The following ARIH1 variants were observed in gnomAD, a reference collection of about 807,000 sequenced individuals.
ARIH1 encodes ariadne RBR E3 ubiquitin protein ligase 1.
A neutral mutation model predicts 85.0 loss-of-function variants in ARIH1; 8 were observed. That is an observed-to-expected ratio of 0.09 (90% CI 0.06 to 0.17). ARIH1 has a LOEUF of 0.17. ARIH1 is among the 10% of genes least tolerant of loss of function. The pLI is 1.00. For synonymous variants in ARIH1, 238 were observed against 253.6 expected (o/e 0.94, Z 0.59); for missense variants, 311 against 718.1 (o/e 0.43, Z 6.48).
In ARIH1 at chr15:72,511,996, C is replaced by T. The variant is rs1022898572; in HGVS notation, c.376-6071C>T. 2.0e-5 allele frequency among the ~76,000 whole-genome samples: 3 copies of T among 152,050 alleles called. 1 individual carries two copies. The highest frequency in any genetic ancestry group is 4.4e-5 in the Non-Finnish European group (3 of 68,006). The stretch of plus-strand genomic sequence containing the variant: ...TGAATTTTGAATATTTAAAACTATC[C>T]GTGCAATCCCAGGACGAACCCCACT... On this transcript the variant is annotated intron_variant, in intron 1 of 13. Coordinates refer to ENST00000379887, the MANE Select transcript of ARIH1 (RefSeq NM_005744.5).
intron 5 of ARIH1, among the ~76,000 whole-genome samples, chr15:72,556,793 C>A (rs146106507): frequency 2.1e-4 from 32 of 152,302 alleles, no homozygotes; most frequent in African/African-American, 7.2e-4. Context: ...ATTTAGCTCT[C>A]ACTTATAAAT....
At chr15:72,554,232 C>A (rs2064165293) in intron 3 of ARIH1, among the ~76,000 whole-genome samples, 1 of 151,874 alleles carries the variant, frequency 6.6e-6, no homozygotes, top group South Asian at 2.1e-4. Flanking sequence ...GAGTATATAC[C>A]CAGGATTAGA....
chr15:72,484,380 A>G (rs2063828703), intron 1 of ARIH1, among the ~76,000 whole-genome samples: 1 of 151,942 alleles, frequency 6.6e-6, no homozygotes, highest in South Asian at 2.1e-4. Context: ...AGCAATATAC[A>G]CTGAACCCAG....
At position 72,600,568 on chromosome 15, in the gene ARIH1, G is replaced by A. The variant is rs2064378962; in HGVS notation, c.*17276G>A. 6.6e-6 allele frequency: 1 copy of A among 152,144 alleles called. No homozygotes were observed. Among genetic ancestry groups the A allele is most frequent in the Admixed American group, 6.5e-5 (1 of 15,280 alleles). The allele number at this position is 152,144 out of a possible 1,614,324, so 9.4% of individuals were successfully genotyped here. On this transcript the variant is annotated 3_prime_UTR_variant, in exon 14 of 14. Coordinates refer to ENST00000379887, the MANE Select transcript of ARIH1 (RefSeq NM_005744.5). Reference sequence around the variant, plus strand: ...CAGGCTCATTTTAAAATTTTTTGTAGAGACGGGTCTCACTATGTTGCTCAG... The same window carrying A: ...CAGGCTCATTTTAAAATTTTTTGTAAAGACGGGTCTCACTATGTTGCTCAG...
chr15:72,576,519 A>C (rs1005612786), intron 11 of ARIH1, among the ~76,000 whole-genome samples: 26 of 151,584 alleles, frequency 1.7e-4, no homozygotes, highest in Non-Finnish European at 3.4e-4. Context: ...AAAAAAAAAA[A>C]AAAAAAAAAA....
At chr15:72,577,065 C>T (rs895355805) in intron 11 of ARIH1, among the ~76,000 whole-genome samples, 1 of 151,964 alleles carries the variant, frequency 6.6e-6, no homozygotes, top group African/African-American at 2.4e-5. Flanking sequence ...TCCCTGCAAC[C>T]TCCACCTCCC....
In ARIH1 at chr15:72,501,973, T is replaced by C. The variant is rs16957023; in HGVS notation, c.376-16094T>C. ...GCCTGAATGGAGTTTCAGGTAACGA[T>C]AAAAGTTTAAAAACTAGGGTGTTAT... On this transcript the variant is annotated intron_variant, in intron 1 of 13. Transcript: ENST00000379887. Among the ~76,000 whole-genome samples the C allele has an allele frequency of 0.036, 5,492 of 152,258 alleles. 739 individuals carry two copies. In the East Asian group the frequency reaches 0.47, roughly 13 times the overall value.
At chr15:72,506,746 C>T (rs1389621625) in intron 1 of ARIH1, among the ~76,000 whole-genome samples, 1 of 152,098 alleles carries the variant, frequency 6.6e-6, no homozygotes, top group Admixed American at 6.5e-5. Context: ...TGCCTCTAAC[C>T]TGTTTAATTC....
At chr15:72,565,156 G>C (rs942074812) in intron 7 of ARIH1, among the ~76,000 whole-genome samples, 6 of 152,160 alleles carry the variant, frequency 3.9e-5, no homozygotes, top group Non-Finnish European at 8.8e-5. Context: ...TTGCTTCTCA[G>C]GTTCAAGTGA....
intron 1 of ARIH1, among the ~76,000 whole-genome samples, chr15:72,484,231 A>G (rs2063828149): frequency 6.6e-6 from 1 of 152,080 alleles, no homozygotes; most frequent in Non-Finnish European, 1.5e-5. Context: ...TGCAGTTACA[A>G]GAAATAATGC....
chr15:72,520,206 G>T (rs905915992), intron 2 of ARIH1, among the ~76,000 whole-genome samples: 3 of 152,152 alleles, frequency 2.0e-5, no homozygotes, highest in African/African-American at 7.2e-5. Flanking sequence ...GTTTCTCCTT[G>T]TAGTTTCTGT....
intron 12 of ARIH1, 117 bp downstream of exon 12, chr15:72,581,108 C>T (rs370150802): frequency 1.0e-5 from 11 of 1,054,240 alleles, no homozygotes; most frequent in Admixed American, 8.1e-5. Flanking sequence ...TGTAGGTAGA[C>T]GAATGTATTT....
chr15:72,531,826 A>G (rs181731639), intron 2 of ARIH1, among the ~76,000 whole-genome samples: 1 of 152,326 alleles, frequency 6.6e-6, no homozygotes, highest in Admixed American at 6.5e-5. Context: ...ATTAATATAA[A>G]TGGTTTTATG....
intron 11 of ARIH1, 77 bp from the exon 12 acceptor site, chr15:72,580,654 G>T (rs1029357919): frequency 7.3e-7 from 1 of 1,377,660 alleles, no homozygotes; most frequent in Non-Finnish European, 9.9e-7. Context: ...CTTCATTATG[G>T]TTTTAATTTG....
chr15:72,480,342 A>G (rs1251761093), intron 1 of ARIH1, among the ~76,000 whole-genome samples: 2 of 150,388 alleles, frequency 1.3e-5, no homozygotes, highest in Non-Finnish European at 3.0e-5. Flanking sequence ...GCTCACTGCA[A>G]CCTCCACTTC....
chr15:72,495,126 C>T (rs935021670), intron 1 of ARIH1, among the ~76,000 whole-genome samples: 1 of 152,010 alleles, frequency 6.6e-6, no homozygotes, highest in Non-Finnish European at 1.5e-5. Flanking sequence ...TCACGATAGC[C>T]CTTATACTGT....
rs1255629285 is a variant in ARIH1 at position 72,572,414 on chromosome 15, T to C, written c.1215+249T>C. ...CACCACACCCTGCTAATTTTTGTAT[T>C]TTTAGTAGTCAGTCTAGTCTCGAAC... On this transcript the variant is annotated intron_variant, in intron 11 of 13. Coordinates refer to ENST00000379887, the MANE Select transcript of ARIH1 (RefSeq NM_005744.5). 1.0e-5 allele frequency: 3 copies of C among 297,808 alleles called. No individual in the cohort carries two copies. In the South Asian group the frequency reaches 1.8e-4, roughly 17 times the overall value. 18.4% of individuals were successfully genotyped at this position (297,808 alleles called of 1,614,324 possible). A position where few individuals can be genotyped will look rare whatever the true frequency, so the allele number is the denominator to read the frequency against.
chr15:72,474,462 C>T lies in ARIH1; in HGVS notation c.-178C>T. 1.2e-6 allele frequency: 1 copy of T among 825,440 alleles called. No homozygotes were observed. Among genetic ancestry groups the T allele is most frequent in the East Asian group, 3.6e-5 (1 of 27,854 alleles). 51.1% of individuals were successfully genotyped at this position (825,440 alleles called of 1,614,324 possible). A position where few individuals can be genotyped will look rare whatever the true frequency, so the allele number is the denominator to read the frequency against. On this transcript the variant is annotated 5_prime_UTR_variant, in exon 1 of 14. Coordinates refer to ENST00000379887, the MANE Select transcript of ARIH1 (RefSeq NM_005744.5). ...CCTCCCTCCCTCCTCCGCGCCCTCCCCGCCGCCACCAGCCGTCAAACGCCA... is the reference window on the plus strand; with the variant it reads ...CCTCCCTCCCTCCTCCGCGCCCTCCTCGCCGCCACCAGCCGTCAAACGCCA...
intron 2 of ARIH1, among the ~76,000 whole-genome samples, chr15:72,532,265 A>G (rs1429579882): frequency 6.6e-6 from 1 of 152,008 alleles, no homozygotes; most frequent in African/African-American, 2.4e-5. Context: ...ACAGAGTATC[A>G]CTAGGATCTT....
Sources: allele counts gnomAD v4.1 joint callset (sites outside exome capture counted in the v4.1 genomes callset), GRCh38; gene constraint gnomAD v4.1.1; transcripts MANE v1.5; gene names NCBI Gene and HGNC (gene_info 2026-07-23, HGNC 2026-07-21).